Variants in MACROD2 observed in about 807,000 individuals in gnomAD.
The protein encoded by MACROD2 is mono-ADP ribosylhydrolase 2.
In MACROD2, 36 loss-of-function variants were observed where a neutral mutation model predicts 70.4. That is an observed-to-expected ratio of 0.51 (90% CI 0.39 to 0.68). The LOEUF is 0.68. Ranked by LOEUF, MACROD2 falls within the 30% of genes least tolerant of loss-of-function variation. MACROD2 has a pLI of 0.00. For missense variants in MACROD2, 496 were observed against 538.4 expected, an observed-to-expected ratio of 0.92 and a Z score of 0.78; for synonymous variants, 172 against 178.8, an observed-to-expected ratio of 0.96 and a Z score of 0.30.
chr20:14,240,049 A>G (rs1314985313), intron 3 of MACROD2, among the ~76,000 whole-genome samples: 1 of 152,242 alleles, frequency 6.6e-6, no homozygotes, highest in Non-Finnish European at 1.5e-5. Context: ...ACTTTTCTAA[A>G]GAAGACTTAC....
intron 6 of MACROD2, among the ~76,000 whole-genome samples, chr20:15,395,745 T>C (rs1420174660): frequency 6.6e-6 from 1 of 152,252 alleles, no homozygotes; most frequent in Non-Finnish European, 1.5e-5. Context: ...AGAACTTTGT[T>C]CCTGCCTTAA....
At chr20:14,250,611 A>G (rs2082004635) in intron 3 of MACROD2, among the ~76,000 whole-genome samples, 1 of 152,176 alleles carries the variant, frequency 6.6e-6, no homozygotes, top group Non-Finnish European at 1.5e-5. Flanking sequence ...TTGTAGATGG[A>G]TCAGGCATTG....
intron 6 of MACROD2, among the ~76,000 whole-genome samples, chr20:15,254,119 G>A (rs1361360007): frequency 1.3e-5 from 2 of 152,116 alleles, no homozygotes; most frequent in Non-Finnish European, 2.9e-5. Context: ...CACCCTGCAG[G>A]AAACGAGTTT....
At chr20:14,388,353 T>C (rs2083490276) in intron 3 of MACROD2, among the ~76,000 whole-genome samples, 2 of 152,248 alleles carry the variant, frequency 1.3e-5, no homozygotes, top group South Asian at 4.1e-4. Flanking sequence ...TTAAGTACAC[T>C]TGACTCTGAA....
At chr20:15,927,429 A>G (rs2065507701) in intron 10 of MACROD2, among the ~76,000 whole-genome samples, 1 of 152,184 alleles carries the variant, frequency 6.6e-6, no homozygotes, top group Non-Finnish European at 1.5e-5. Context: ...ATTTGGCATG[A>G]TCTGGACCTG....
intron 6 of MACROD2, among the ~76,000 whole-genome samples, chr20:15,388,526 C>T (rs1361344382): frequency 6.6e-6 from 1 of 152,062 alleles, no homozygotes; most frequent in African/African-American, 2.4e-5. Flanking sequence ...AAGTATGTCT[C>T]ATGTAATATT....
At chr20:15,339,827 TG>T (rs1353070831) in intron 6 of MACROD2, among the ~76,000 whole-genome samples, 1 of 151,768 alleles carries the variant, frequency 6.6e-6, no homozygotes, top group Non-Finnish European at 1.5e-5. Context: ...ACATATCATT[TG>T]GCCTGATTTT....
At position 15,710,213 on chromosome 20, in the gene MACROD2, A is replaced by C. The variant is rs13036456; in HGVS notation, c.646-152532A>C. On this transcript the variant is annotated intron_variant, in intron 8 of 17. Coordinates refer to ENST00000684519, the MANE Select transcript of MACROD2 (RefSeq NM_001351661.2). ...AAAAGACAAAAAAAAAAAAAAAAAA[A>C]CAATTGCGGGTAAGGATGCAAAAAA... is the stretch of plus-strand genomic sequence containing the variant. Among the ~76,000 whole-genome samples the C allele has an allele frequency of 5.0e-3, 687 of 136,864 alleles. 8 individuals are homozygous for C. Among genetic ancestry groups the C allele is most frequent in the Admixed American group, 6.7e-3 (91 of 13,662 alleles). The allele number at this position is 136,864 out of a possible 152,430, so 89.8% of individuals were successfully genotyped here.
intron 5 of MACROD2, among the ~76,000 whole-genome samples, chr20:14,945,339 A>G (rs944714734): frequency 1.3e-5 from 2 of 151,966 alleles, no homozygotes; most frequent in African/African-American, 4.8e-5. Context: ...TGGCCTCCCA[A>G]AGTGCTGCTG....
chr20:15,424,154 C>T (rs182021042), intron 6 of MACROD2, among the ~76,000 whole-genome samples: 24 of 152,248 alleles, frequency 1.6e-4, no homozygotes, highest in Admixed American at 5.2e-4. Flanking sequence ...AGCTTCACCA[C>T]GTGAATCTTG....
At chr20:15,954,291 A>G (rs144426009) in intron 12 of MACROD2, among the ~76,000 whole-genome samples, 1 of 152,142 alleles carries the variant, frequency 6.6e-6, no homozygotes. Context: ...TCCATTGCAG[A>G]CTTTCCCTGT....
At chr20:14,724,292 G>A (rs1192072769) in intron 5 of MACROD2, among the ~76,000 whole-genome samples, 1 of 151,966 alleles carries the variant, frequency 6.6e-6, no homozygotes, top group East Asian at 1.9e-4. Flanking sequence ...CTATTTGACT[G>A]AGTAAATTTC....
rs540484972 is a variant in MACROD2, at chr20:14,877,074, T to G, written c.418+192115T>G. On this transcript the variant is annotated intron_variant, in intron 5 of 17. Transcript: ENST00000684519. Reference sequence around the variant, plus strand: ...ATGGCCATTTTAAGGATATATACTCTTCCAATCCATGAGCATGGAATGTTT... The same window carrying G: ...ATGGCCATTTTAAGGATATATACTCGTCCAATCCATGAGCATGGAATGTTT... 2.6e-5 allele frequency among the ~76,000 whole-genome samples: 4 copies of G among 152,284 alleles called. No individual in the cohort carries two copies. In the South Asian group the frequency reaches 8.3e-4, roughly 32 times the overall value.
intron 5 of MACROD2, among the ~76,000 whole-genome samples, chr20:14,861,588 C>G (rs1048681418): frequency 5.3e-5 from 8 of 151,912 alleles, no homozygotes; most frequent in African/African-American, 1.9e-4. Flanking sequence ...GATCAACCTC[C>G]TGTAGTCTAT....
At chr20:14,269,553 G>A (rs972047708) in intron 3 of MACROD2, among the ~76,000 whole-genome samples, 1 of 152,100 alleles carries the variant, frequency 6.6e-6, no homozygotes, top group African/African-American at 2.4e-5. Context: ...GGGGTAAAGA[G>A]CATATTAGAA....
intron 5 of MACROD2, among the ~76,000 whole-genome samples, chr20:15,026,792 C>T (rs1024029930): frequency 7.2e-5 from 11 of 152,078 alleles, no homozygotes; most frequent in Admixed American, 2.0e-4. Flanking sequence ...CATGCCAATA[C>T]GCATTCAGAG....
chr20:13,995,913 C>A lies in MACROD2; in HGVS notation c.46+104C>A. 7.4e-7 allele frequency: 1 copy of A among 1,351,000 alleles called. No individual in the cohort carries two copies. Among genetic ancestry groups the A allele is most frequent in the Non-Finnish European group, 1.0e-6 (1 of 971,560 alleles). 83.7% of individuals were successfully genotyped at this position (1,351,000 alleles called of 1,614,324 possible). On this transcript the variant is annotated intron_variant, in intron 1 of 17. Transcript: ENST00000684519. This position sits in a 1 kb window ranked among gnomAD's most constrained non-coding sequence, Gnocchi z 4.3. ...GCGCCCTCCGCCCGAGCTCCCGCCTCGCGCCCTCCCGGCCGGTGCCGCCTC... is the reference window on the plus strand; with the variant it reads ...GCGCCCTCCGCCCGAGCTCCCGCCTAGCGCCCTCCCGGCCGGTGCCGCCTC...
intron 4 of MACROD2, among the ~76,000 whole-genome samples, chr20:14,571,066 G>A (rs546578191): frequency 3.0e-4 from 45 of 152,146 alleles, no homozygotes; most frequent in African/African-American, 1.1e-3. Flanking sequence ...AGTCTGAGGA[G>A]AGGCCCAAAT....
At chr20:15,223,780 A>C (rs1251937765) in intron 5 of MACROD2, among the ~76,000 whole-genome samples, 1 of 152,106 alleles carries the variant, frequency 6.6e-6, no homozygotes, top group East Asian at 1.9e-4. Context: ...ATATGTTCAA[A>C]ATTTTTTTAC....
Sources: allele counts gnomAD v4.1 joint callset (sites outside exome capture counted in the v4.1 genomes callset), GRCh38; gene constraint gnomAD v4.1.1; non-coding constraint Gnocchi (gnomAD v3.1); transcripts MANE v1.5; gene names NCBI Gene and HGNC (gene_info 2026-07-23, HGNC 2026-07-21).